Variants in DNAH9 observed in about 807,000 individuals in gnomAD.
DNAH9 encodes the protein DNAH9 variant protein.
DNAH9 carries 345 observed loss-of-function variants against 471.6 expected under a neutral mutation model. That is an observed-to-expected ratio of 0.73 (90% CI 0.67 to 0.80). The LOEUF (loss-of-function observed/expected upper bound fraction) is 0.80. DNAH9 is among the 30% of genes least tolerant of loss of function. DNAH9 has a pLI of 0.00. For missense variants in DNAH9, 5,407 were observed against 5,609.2 expected (o/e 0.96, Z 1.15); for synonymous variants, 2,093 against 2,123.6 (o/e 0.99, Z 0.40).
Position 11,952,139 on chromosome 17 carries a change from C to CTT in DNAH9, c.12843+9673_12843+9674dup, listed in dbSNP as rs71142258. Among the ~76,000 whole-genome samples the CTT allele has an allele frequency of 4.9e-3, 499 of 101,962 alleles. 4 individuals carry two copies. Among genetic ancestry groups the CTT allele is most frequent in the African/African-American group, 7.8e-3 (202 of 25,966 alleles). The allele number at this position is 101,962 out of a possible 152,430, so 66.9% of individuals were successfully genotyped here. A position where few individuals can be genotyped will look rare whatever the true frequency, so the allele number is the denominator to read the frequency against. On this transcript the variant is annotated intron_variant, in intron 67 of 68. Transcript: ENST00000262442. The stretch of plus-strand genomic sequence containing the variant: ...GTATGTTTTTGCCAAAGCTATATTA[C>CTT]TTTTTTTTTTTTTTTTTTTTGACAG...
intron 61 of DNAH9, among the ~76,000 whole-genome samples, chr17:11,908,956 A>G (rs1164976026): frequency 6.6e-6 from 1 of 152,222 alleles, no homozygotes; most frequent in East Asian, 1.9e-4. Flanking sequence ...ATCTGGTTGC[A>G]TGCAGTCTCT....
In DNAH9 at chr17:11,845,948, A is replaced by G. The variant is rs555307235; in HGVS notation, c.9508-8055A>G. Among the ~76,000 whole-genome samples, 932 of 150,512 alleles carry G rather than the reference A, an allele frequency of 6.2e-3. 9 individuals carry two copies. The highest frequency in any genetic ancestry group is 0.022 in the African/African-American group (897 of 40,582). On this transcript the variant is annotated intron_variant, in intron 49 of 68. Transcript: ENST00000262442. ...TTGTGAAAATTTTCTCCCATGTTGT[A>G]GGTTGCCTGTTCACTCTGATGGTAG...
chr17:11,606,374 A>G (rs2072502686), intron 1 of DNAH9, among the ~76,000 whole-genome samples: 1 of 149,584 alleles, frequency 6.7e-6, no homozygotes, highest in African/African-American at 2.5e-5. Context: ...TTCTCCTTCC[A>G]TCACTTGTGA....
At chr17:11,906,487 C>T (rs1320726590) in intron 61 of DNAH9, among the ~76,000 whole-genome samples, 1 of 151,970 alleles carries the variant, frequency 6.6e-6, no homozygotes, top group Non-Finnish European at 1.5e-5. Flanking sequence ...ATTAGCTAAG[C>T]ATGGTGGCAG....
intron 45 of DNAH9, among the ~76,000 whole-genome samples, chr17:11,820,568 T>C (rs187209364): frequency 6.6e-6 from 1 of 152,302 alleles, no homozygotes; most frequent in East Asian, 1.9e-4. Context: ...ATTAATATAT[T>C]CAACAGAAAT....
chr17:11,692,316 C>A (rs1048422938), intron 20 of DNAH9, among the ~76,000 whole-genome samples: 1 of 152,146 alleles, frequency 6.6e-6, no homozygotes, highest in Admixed American at 6.6e-5. Flanking sequence ...ATGGCACATA[C>A]CATTATGATT....
rs544178215 is a variant in DNAH9, at chr17:11,646,927, GAAA to G, written c.1971-144_1971-142del. 3,494 of 658,500 alleles carry G rather than the reference GAAA, an allele frequency of 5.3e-3. 21 individuals are homozygous for G. Among genetic ancestry groups the G allele is most frequent in the Non-Finnish European group, 6.3e-3 (2,583 of 407,350 alleles). The allele number at this position is 658,500 out of a possible 1,614,324, so 40.8% of individuals were successfully genotyped here. On this transcript the variant is annotated intron_variant, in intron 11 of 68. Coordinates refer to ENST00000262442, the MANE Select transcript of DNAH9 (RefSeq NM_001372.4). ...AAACTCTGTCTCAAAAAGAAAGAAA[GAAA>G]TTTGTGGTTACTCTCAGAAGCTGAC...
chr17:11,795,978 T>A (rs1055743622), intron 42 of DNAH9, among the ~76,000 whole-genome samples: 9 of 152,222 alleles, frequency 5.9e-5, no homozygotes, highest in African/African-American at 2.2e-4. Flanking sequence ...GTTTCCACTA[T>A]TCAAAGCTTA....
intron 67 of DNAH9, among the ~76,000 whole-genome samples, chr17:11,959,915 T>G (rs1217464147): frequency 5.9e-5 from 9 of 152,242 alleles, no homozygotes; most frequent in African/African-American, 1.9e-4. Flanking sequence ...GCTGGTCTGA[T>G]TAGGGATATT....
intron 67 of DNAH9, among the ~76,000 whole-genome samples, chr17:11,950,402 G>C (rs1975320861): frequency 6.6e-6 from 1 of 152,218 alleles, no homozygotes; most frequent in African/African-American, 2.4e-5. Flanking sequence ...AAACTTTTTT[G>C]TTTTCAGAGA....
intron 63 of DNAH9, 25 bp from the exon 64 acceptor site, chr17:11,931,989 C>G: frequency 6.2e-7 from 1 of 1,612,662 alleles, no homozygotes; most frequent in Middle Eastern, 1.7e-4. Context: ...GTGTGCGAAC[C>G]TTAAAAGCGA....
At chr17:11,897,211 C>A (rs951936400) in intron 59 of DNAH9, among the ~76,000 whole-genome samples, 4 of 152,104 alleles carry the variant, frequency 2.6e-5, no homozygotes, top group African/African-American at 9.7e-5. Flanking sequence ...TATACTAAGC[C>A]TTTGAAATCT....
In DNAH9 at chr17:11,669,062, A is replaced by G; in HGVS notation, c.2732-2A>G. 6.3e-7 allele frequency: 1 copy of G among 1,596,530 alleles called. No individual in the cohort carries two copies. The highest frequency in any genetic ancestry group is 8.5e-7 in the Non-Finnish European group (1 of 1,170,562). ...TGTTTGCTTGTTTTCTGTGTTTTTC[A>G]GAGTGTAAGGCAGGACTTACCCCAA... On this transcript the variant is annotated splice_acceptor_variant, in intron 15 of 68. Transcript: ENST00000262442. LOFTEE classifies it high-confidence loss of function.
chr17:11,921,603 A>G (rs1003418209), intron 61 of DNAH9, among the ~76,000 whole-genome samples: 13 of 152,224 alleles, frequency 8.5e-5, no homozygotes, highest in African/African-American at 2.7e-4. Context: ...TCAAGGCCCA[A>G]TAAGCCATCT....
intron 14 of DNAH9, among the ~76,000 whole-genome samples, chr17:11,660,319 C>CT (rs1208889792): frequency 0.27 from 26,700 of 97,704 alleles, 4,500 homozygotes; most frequent in Non-Finnish European, 0.36. Flanking sequence ...TTAAATGTTT[C>CT]TTTTTTTTTT....
rs2151460362 is a variant in DNAH9, at chr17:11,969,458, CAA to C, written c.13393_13394del (p.Asn4465ProfsTer4). 6.2e-7 allele frequency: 1 copy of C among 1,613,968 alleles called. No homozygotes were observed. Among genetic ancestry groups the C allele is most frequent in the East Asian group, 2.2e-5 (1 of 44,858 alleles). On this transcript the variant is annotated frameshift_variant, in exon 69 of 69. Transcript: ENST00000262442. LOFTEE classifies it high-confidence loss of function. The part of the protein sequence containing the change: ...QRGPTYVWTF[N>X]LKTKENPSKW... ...GGGGACCCACCTACGTGTGGACTTT[CAA>C]CCTGAAGACTAAGGAAAACCCATCC...
Position 11,768,506 on chromosome 17 carries a change from A to G in DNAH9, c.7224A>G (p.Thr2408=), listed in dbSNP as rs1968061781. 2 of 1,614,056 alleles carry G rather than the reference A, an allele frequency of 1.2e-6. No individual in the cohort carries two copies. The highest frequency in any genetic ancestry group is 1.3e-5 in the African/African-American group (1 of 74,926). Reference sequence around the variant, plus strand: ...AATGGTGGCTGACTGAGTTCAAAACAGTCAAGTTTCCTTCCCAAGGAACCA... The same window carrying G: ...AATGGTGGCTGACTGAGTTCAAAACGGTCAAGTTTCCTTCCCAAGGAACCA... The part of the protein sequence containing the change: ...FSKWWLTEFK[T]VKFPSQGTIF... The change falls in exon 37 of 69, where the codon ACA becomes ACG. Residue 2408 remains threonine, a synonymous_variant. Transcript: ENST00000262442.
At chr17:11,625,572 G>T (rs923598985) in intron 6 of DNAH9, among the ~76,000 whole-genome samples, 1 of 152,140 alleles carries the variant, frequency 6.6e-6, no homozygotes, top group Non-Finnish European at 1.5e-5. Flanking sequence ...AATTCCCAAG[G>T]TTCTTCTTTT....
At position 11,929,742 on chromosome 17, in the gene DNAH9, A is replaced by G. The variant is rs577486996; in HGVS notation, c.11878-124A>G. The G allele has an allele frequency of 1.8e-5, 14 of 796,934 alleles. No homozygotes were observed. The South Asian group carries it at 2.1e-4, about 12-fold the overall frequency. 49.4% of individuals were successfully genotyped at this position (796,934 alleles called of 1,614,324 possible). On this transcript the variant is annotated intron_variant, in intron 62 of 68. Transcript: ENST00000262442. ...TAAATTTTCTGTTACGTCTTACCAC[A>G]ATTTTTAAAAATTATGTGATGCTAA...
Sources: allele counts gnomAD v4.1 joint callset (sites outside exome capture counted in the v4.1 genomes callset), GRCh38; gene constraint gnomAD v4.1.1; transcripts MANE v1.5; gene names NCBI Gene and HGNC (gene_info 2026-07-23, HGNC 2026-07-21).